The following UST variants were observed in gnomAD, a reference collection of about 807,000 sequenced individuals.
The protein encoded by UST is uronyl 2-sulfotransferase.
Under a neutral mutation model 45.6 loss-of-function variants are expected in UST, and 21 were observed. The observed-to-expected ratio is 0.46, with a 90% CI of 0.33 to 0.66. The LOEUF (loss-of-function observed/expected upper bound fraction) is 0.66. UST is among the 30% of genes least tolerant of loss of function. The pLI, the probability that UST is intolerant of heterozygous loss-of-function variation, is 0.02. For synonymous variants in UST, 215 were observed against 200.6 expected (o/e 1.07, Z -0.61); for missense variants, 463 against 512.4 (o/e 0.90, Z 0.93).
intron 5 of UST, among the ~76,000 whole-genome samples, chr6:149,011,014 T>A (rs1775801483): frequency 6.6e-6 from 1 of 151,274 alleles, no homozygotes; most frequent in African/African-American, 2.4e-5. Flanking sequence ...ATGTTTGGTC[T>A]CTTGTGTCCG....
At chr6:149,004,230 A>T (rs1439463753) in intron 5 of UST, among the ~76,000 whole-genome samples, 1 of 152,206 alleles carries the variant, frequency 6.6e-6, no homozygotes, top group African/African-American at 2.4e-5. Flanking sequence ...CTTTGAAGGT[A>T]AAGTGGGCAG....
chr6:148,879,836 C>T (rs893082861), intron 1 of UST, among the ~76,000 whole-genome samples: 5 of 152,194 alleles, frequency 3.3e-5, no homozygotes, highest in African/African-American at 1.2e-4. Flanking sequence ...TGAGGAGGTA[C>T]AGCAGTGTAT....
At chr6:148,754,713 T>C (rs148832396) in intron 1 of UST, among the ~76,000 whole-genome samples, 2 of 152,318 alleles carry the variant, frequency 1.3e-5, no homozygotes, top group African/African-American at 4.8e-5. Flanking sequence ...TTGGGAAATA[T>C]GATACTGACT....
intron 5 of UST, among the ~76,000 whole-genome samples, chr6:148,974,818 G>T (rs17080800): frequency 0.019 from 2,967 of 152,330 alleles, 83 homozygotes; most frequent in African/African-American, 0.055. Context: ...CAATGGAATT[G>T]TATCAACATT....
intron 5 of UST, among the ~76,000 whole-genome samples, chr6:149,004,405 G>T (rs1347220574): frequency 6.6e-6 from 1 of 152,212 alleles, no homozygotes; most frequent in African/African-American, 2.4e-5. Context: ...TAGAGAAGTG[G>T]GGAGCAGTGT....
intron 2 of UST, among the ~76,000 whole-genome samples, chr6:148,921,266 T>A (rs1253572007): frequency 6.6e-6 from 1 of 152,140 alleles, no homozygotes; most frequent in Non-Finnish European, 1.5e-5. Flanking sequence ...TCTGGGAAGA[T>A]TAAATACATA....
intron 2 of UST, among the ~76,000 whole-genome samples, chr6:148,902,109 T>C (rs1177448699): frequency 6.6e-6 from 1 of 152,234 alleles, no homozygotes; most frequent in Non-Finnish European, 1.5e-5. Context: ...CTTCTTATTC[T>C]TCGTGTTCTA....
intron 1 of UST, among the ~76,000 whole-genome samples, chr6:148,768,706 TA>T (rs1776365095): frequency 6.6e-6 from 1 of 152,274 alleles, no homozygotes; most frequent in Non-Finnish European, 1.5e-5. Context: ...TCTTTAACAG[TA>T]AATGAATTTT....
chr6:149,021,385 G>T lies in UST; in HGVS notation c.841G>T (p.Val281Leu), dbSNP rs754638085. 5 of 1,614,194 alleles carry T rather than the reference G, an allele frequency of 3.1e-6. No homozygotes were observed. Among genetic ancestry groups the T allele is most frequent in the Non-Finnish European group, 4.2e-6 (5 of 1,180,024 alleles). The change falls in exon 7 of 8, where the codon GTG (valine) becomes TTG (leucine). Residue 281 changes from valine to leucine, a missense_variant. This residue lies in a region of UST where 287 missense variants were observed against 374.2 expected (regional missense o/e 0.77). Coordinates refer to ENST00000367463, the MANE Select transcript of UST (RefSeq NM_005715.3). ...KLNVNENFLL[V>L]GILEELEDVL... ...GAACGTGAATGAAAACTTCCTGCTC[G>T]TGGGGATTCTTGAAGAGTTGGAAGA...
At chr6:148,903,616 T>G (rs1456295789) in intron 2 of UST, among the ~76,000 whole-genome samples, 2 of 152,202 alleles carry the variant, frequency 1.3e-5, no homozygotes, top group African/African-American at 4.8e-5. Context: ...GGACAGACAG[T>G]TTGAGACGTG....
chr6:149,054,968 G>A (rs879410716), intron 7 of UST, among the ~76,000 whole-genome samples: 2 of 152,130 alleles, frequency 1.3e-5, no homozygotes, highest in Admixed American at 6.5e-5. Flanking sequence ...AAGACTCATG[G>A]TTTATCGCAT....
chr6:149,066,670 C>A (rs1776733989), intron 7 of UST, among the ~76,000 whole-genome samples: 1 of 152,110 alleles, frequency 6.6e-6, no homozygotes, highest in Admixed American at 6.5e-5. Flanking sequence ...ACGAGACAAT[C>A]TGTTGTTATT....
chr6:148,936,600 T>G (rs1028518973), intron 2 of UST, among the ~76,000 whole-genome samples: 22 of 110,242 alleles, frequency 2.0e-4, no homozygotes, highest in African/African-American at 6.3e-4. Flanking sequence ...TTTTTTTTTT[T>G]TGCCATCTTT....
intron 1 of UST, among the ~76,000 whole-genome samples, chr6:148,807,286 C>G (rs1231966818): frequency 5.9e-5 from 9 of 152,190 alleles, no homozygotes; most frequent in Admixed American, 5.9e-4. Flanking sequence ...GCCACATTGC[C>G]TAATTGGAAT....
At chr6:148,966,283 A>G (rs1780796043) in intron 5 of UST, among the ~76,000 whole-genome samples, 1 of 152,042 alleles carries the variant, frequency 6.6e-6, no homozygotes, top group African/African-American at 2.4e-5. Context: ...GAATATGACT[A>G]TATGTTTTTT....
intron 1 of UST, among the ~76,000 whole-genome samples, chr6:148,885,593 C>G (rs1424909765): frequency 1.3e-5 from 2 of 152,012 alleles, no homozygotes; most frequent in African/African-American, 2.4e-5. Context: ...AAAACTGGAC[C>G]CTGATGTTCC....
intron 1 of UST, among the ~76,000 whole-genome samples, chr6:148,874,374 G>A (rs1778611010): frequency 6.6e-6 from 1 of 152,178 alleles, no homozygotes; most frequent in Admixed American, 6.5e-5. Context: ...TATAAAACAA[G>A]GCAGTGTTTT....
At chr6:148,971,158 A>G (rs752449235) in intron 5 of UST, among the ~76,000 whole-genome samples, 1 of 152,104 alleles carries the variant, frequency 6.6e-6, no homozygotes, top group Non-Finnish European at 1.5e-5. Context: ...TGTGCATTCT[A>G]CTATGCAGTG....
At position 148,747,574 on chromosome 6, in the gene UST, C is replaced by A. The variant is rs766415442; in HGVS notation, c.144C>A (p.Tyr48Ter). 1.9e-6 allele frequency: 3 copies of A among 1,587,250 alleles called. No homozygotes were observed. Among genetic ancestry groups the A allele is most frequent in the Non-Finnish European group, 2.6e-6 (3 of 1,168,408 alleles). Reference sequence around the variant, plus strand: ...TCCTGCGCTTCTCCCTCCGGGACTACGGCTTCTGCATGGCCACCCTGCTGG... The same window carrying A: ...TCCTGCGCTTCTCCCTCCGGGACTAAGGCTTCTGCATGGCCACCCTGCTGG... The part of the protein sequence containing the change: ...LPFLRFSLRD[Y>*]GFCMATLLVF... The change falls in exon 1 of 8, where the codon TAC becomes TAA. Residue 48 changes from tyrosine to a stop codon, truncating the protein, a stop_gained. Coordinates refer to ENST00000367463, the MANE Select transcript of UST (RefSeq NM_005715.3). LOFTEE classifies it high-confidence loss of function.
Sources: allele counts gnomAD v4.1 joint callset (sites outside exome capture counted in the v4.1 genomes callset), GRCh38; gene constraint gnomAD v4.1.1; regional missense constraint gnomAD v4.1.1; transcripts MANE v1.5; gene names NCBI Gene and HGNC (gene_info 2026-07-23, HGNC 2026-07-21).